Variants in PRMT8 observed in about 807,000 individuals in gnomAD.
PRMT8 encodes protein arginine methyltransferase 8.
Under a neutral mutation model 47.1 loss-of-function variants are expected in PRMT8, and 7 were observed. That is an observed-to-expected ratio of 0.15 (90% confidence interval 0.08 to 0.28). The LOEUF (loss-of-function observed/expected upper bound fraction) is 0.28. Among genes scored for constraint, PRMT8 ranks in the 10% least tolerant of loss-of-function variants. The pLI is 1.00. For missense variants in PRMT8, 237 were observed against 505.4 expected, an observed-to-expected ratio of 0.47 and a Z score of 5.09; for synonymous variants, 188 against 186.5, an observed-to-expected ratio of 1.01 and a Z score of -0.07.
intron 2 of PRMT8, among the ~76,000 whole-genome samples, chr12:3,544,476 A>C (rs1488400174): frequency 6.6e-6 from 1 of 152,242 alleles, no homozygotes; most frequent in African/African-American, 2.4e-5. Context: ...GGTTAAAGAA[A>C]GACACGCCCA....
At position 3,593,239 on chromosome 12, in the gene PRMT8, G is replaced by C; in HGVS notation, c.*57G>C. ...AAAGGAACTCTCACCTCGATCTGCC[G>C]TGCCGTCCCAAAGAATACCGTTTGC... On this transcript the variant is annotated 3_prime_UTR_variant, in exon 10 of 10. Coordinates refer to ENST00000382622, the MANE Select transcript of PRMT8 (RefSeq NM_019854.5). This position sits in a 1 kb window ranked among gnomAD's most constrained non-coding sequence, Gnocchi z 4.8. 7.0e-7 allele frequency: 1 copy of C among 1,423,882 alleles called. No homozygotes were observed. The highest frequency in any genetic ancestry group is 9.8e-7 in the Non-Finnish European group (1 of 1,017,350). 88.2% of individuals were successfully genotyped at this position (1,423,882 alleles called of 1,614,324 possible).
chr12:3,513,468 T>G (rs1377702432), intron 1 of PRMT8, among the ~76,000 whole-genome samples: 1 of 152,186 alleles, frequency 6.6e-6, no homozygotes, highest in East Asian at 1.9e-4. Flanking sequence ...CTTAGACCCT[T>G]TGAGCCTGCG....
chr12:3,519,146 G>A (rs746670375), intron 1 of PRMT8, among the ~76,000 whole-genome samples: 1 of 152,058 alleles, frequency 6.6e-6, no homozygotes, highest in Non-Finnish European at 1.5e-5. Flanking sequence ...ACAGAGGGGA[G>A]CCAGGGCCCA....
At chr12:3,466,990 C>A (rs541007879) in intron 1 of PRMT8, among the ~76,000 whole-genome samples, 73 of 152,240 alleles carry the variant, frequency 4.8e-4, no homozygotes, top group African/African-American at 1.7e-3. Context: ...GTAATCCCAG[C>A]ACTTTGGGAG....
rs1866389643 is a variant in PRMT8 at position 3,550,079 on chromosome 12, G to C, written c.405G>C (p.Lys135Asn). 6.2e-7 allele frequency: 1 copy of C among 1,614,054 alleles called. No homozygotes were observed. The highest frequency in any genetic ancestry group is 1.3e-5 in the African/African-American group (1 of 74,938). Residue 135 changes from lysine (K) to asparagine (N), a missense_variant, in exon 3 of 10, where the codon AAG (lysine) becomes AAC (asparagine). Physicochemically the swap from Lys to Asn is moderately conservative, Grantham distance 94. Around this residue, in one of 5 missense-constraint regions of PRMT8, gnomAD observed 151 missense variants for 341.1 expected, o/e 0.44. Transcript: ENST00000382622. This position sits in a 1 kb window ranked among gnomAD's most constrained non-coding sequence, Gnocchi z 5.1. The stretch of plus-strand genomic sequence containing the variant: ...TGTTCGCTGCCAAGGCAGGGGCCAA[G>C]AAGGTGTTTGGGGTGAGCACGCCGC... ...LSMFAAKAGA[K>N]KVFGIECSSI...
intron 1 of PRMT8, among the ~76,000 whole-genome samples, chr12:3,512,749 G>C (rs1591578183): frequency 6.6e-6 from 1 of 152,314 alleles, no homozygotes; most frequent in East Asian, 1.9e-4. Context: ...ACAATGCCTG[G>C]CCAACAGGAT....
intron 1 of PRMT8, among the ~76,000 whole-genome samples, chr12:3,527,827 T>C (rs1420034881): frequency 1.3e-5 from 2 of 152,204 alleles, no homozygotes; most frequent in East Asian, 3.8e-4. Flanking sequence ...AGTATGCGCC[T>C]GTGAATGATA....
upstream of PRMT8, among the ~76,000 whole-genome samples, chr12:3,489,447 C>G (rs1451113527): frequency 6.6e-6 from 1 of 151,950 alleles, no homozygotes; most frequent in African/African-American, 2.4e-5. Context: ...GTCCTCCTCT[C>G]TCCAATCTTG....
At chr12:3,519,069 A>G (rs1159758087) in intron 1 of PRMT8, among the ~76,000 whole-genome samples, 1 of 152,178 alleles carries the variant, frequency 6.6e-6, no homozygotes, top group Non-Finnish European at 1.5e-5. Flanking sequence ...GGCTGCTAGA[A>G]AGCTGTTAAT....
At chr12:3,511,427 T>C (rs1263946782) in intron 1 of PRMT8, among the ~76,000 whole-genome samples, 1 of 152,222 alleles carries the variant, frequency 6.6e-6, no homozygotes, top group East Asian at 1.9e-4. Flanking sequence ...TCTGGGTCTG[T>C]GACTTGGACA....
At chr12:3,480,732 A>G (rs1430413337) in intron 1 of PRMT8, among the ~76,000 whole-genome samples, 1 of 152,188 alleles carries the variant, frequency 6.6e-6, no homozygotes, top group Non-Finnish European at 1.5e-5. Flanking sequence ...GCAGAATTAA[A>G]TACCAGTGTA....
rs147426733 is a variant in PRMT8, at chr12:3,541,566, G to A, written c.261+775G>A. ...TAAACTCTATGAAGAAAATATGTCC[G>A]TGATCCTCTTACAGCATAAGAAAAA... On this transcript the variant is annotated intron_variant, in intron 2 of 9. Coordinates refer to ENST00000382622, the MANE Select transcript of PRMT8 (RefSeq NM_019854.5). 7.2e-3 allele frequency among the ~76,000 whole-genome samples: 1,098 copies of A among 152,274 alleles called. 8 individuals carry two copies. Among genetic ancestry groups the A allele is most frequent in the African/African-American group, 0.025 (1,025 of 41,534 alleles).
At chr12:3,428,318 G>A (rs897687406) in intron 1 of PRMT8, among the ~76,000 whole-genome samples, 3 of 150,866 alleles carry the variant, frequency 2.0e-5, no homozygotes, top group Non-Finnish European at 4.4e-5. Context: ...TTTTGTCCCC[G>A]CTTTTTTTTT....
intron 1 of PRMT8, among the ~76,000 whole-genome samples, chr12:3,533,997 G>A (rs1866076549): frequency 6.6e-6 from 1 of 152,246 alleles, no homozygotes; most frequent in East Asian, 1.9e-4. Flanking sequence ...GGTGTGGTGA[G>A]TGTCTAAGGG....
chr12:3,531,842 T>C (rs1185597506), intron 1 of PRMT8, among the ~76,000 whole-genome samples: 1 of 152,212 alleles, frequency 6.6e-6, no homozygotes, highest in Admixed American at 6.5e-5. Context: ...CTCTTCCAGA[T>C]GTCCTTGGCC....
chr12:3,465,858 G>A (rs1305414933), intron 1 of PRMT8, among the ~76,000 whole-genome samples: 3 of 152,120 alleles, frequency 2.0e-5, no homozygotes, highest in Non-Finnish European at 2.9e-5. Flanking sequence ...GCACACATAC[G>A]CAGGAGGGTT....
rs1029473930 is a variant in PRMT8, at chr12:3,580,613, G to A, written c.829-2445G>A. ...GCACTGAGGATACACAGGACAATGA[G>A]GTGTAACTTCTGCCACTGAAGGCTT... is the stretch of plus-strand genomic sequence containing the variant. On this transcript the variant is annotated intron_variant, in intron 7 of 9. Transcript: ENST00000382622. The surrounding 1 kb of genome is among the most constrained non-coding windows in gnomAD (Gnocchi z 4.6). 1.3e-5 allele frequency among the ~76,000 whole-genome samples: 2 copies of A among 152,168 alleles called. No homozygotes were observed. The highest frequency in any genetic ancestry group is 4.8e-5 in the African/African-American group (2 of 41,436).
At chr12:3,548,104 G>T (rs536223063) in intron 2 of PRMT8, among the ~76,000 whole-genome samples, 2 of 152,158 alleles carry the variant, frequency 1.3e-5, no homozygotes, top group Non-Finnish European at 2.9e-5. Context: ...TTTTGGTAAA[G>T]GTGACAAGGT....
Position 3,580,688 on chromosome 12 carries a change from C to T in PRMT8, c.829-2370C>T, listed in dbSNP as rs1029817715. On this transcript the variant is annotated intron_variant, in intron 7 of 9. Coordinates refer to ENST00000382622, the MANE Select transcript of PRMT8 (RefSeq NM_019854.5). This position sits in a 1 kb window ranked among gnomAD's most constrained non-coding sequence, Gnocchi z 4.6. ...GAAGGTGGTGAGACTGCGATATGAG[C>T]CAGAAGTGAGATTGGAAGGCCATGC... is the stretch of plus-strand genomic sequence containing the variant. 3.3e-5 allele frequency among the ~76,000 whole-genome samples: 5 copies of T among 152,042 alleles called. No individual in the cohort carries two copies. The highest frequency in any genetic ancestry group is 7.4e-5 in the Non-Finnish European group (5 of 68,008).
Sources: allele counts gnomAD v4.1 joint callset (sites outside exome capture counted in the v4.1 genomes callset), GRCh38; gene constraint gnomAD v4.1.1; regional missense constraint gnomAD v4.1.1; non-coding constraint Gnocchi (gnomAD v3.1); transcripts MANE v1.5; gene names NCBI Gene and HGNC (gene_info 2026-07-23, HGNC 2026-07-21).